SH3GL1: variants seen among roughly 807,000 people sequenced by gnomAD.
The protein encoded by SH3GL1 is endophilin-A2.
A neutral mutation model predicts 48.8 loss-of-function variants in SH3GL1; 21 were observed. The ratio of observed to expected loss-of-function variants is 0.43; its 90% confidence interval spans 0.30 to 0.62. The LOEUF is 0.62. SH3GL1 is among the 20% of genes least tolerant of loss of function. The pLI, the probability that SH3GL1 is intolerant of heterozygous loss-of-function variation, is 0.11. For missense variants in SH3GL1, 454 were observed against 503.0 expected, an observed-to-expected ratio of 0.90 and a Z score of 0.93; for synonymous variants, 282 against 217.5, an observed-to-expected ratio of 1.30 and a Z score of -2.61.
chr19:4,375,328 G>A (rs184172310), intron 1 of SH3GL1, among the ~76,000 whole-genome samples: 119 of 152,366 alleles, frequency 7.8e-4, no homozygotes, highest in African/African-American at 2.7e-3. Context: ...CCCAAGGCCA[G>A]ACAGCAGGAG....
chr19:4,366,442 C>T (rs1365569295), intron 3 of SH3GL1, 59 bp downstream of exon 3: 38 of 1,372,988 alleles, frequency 2.8e-5, no homozygotes, highest in Admixed American at 3.7e-5. Flanking sequence ...CCCTGCCTTC[C>T]CTCTGACACA....
chr19:4,393,368 C>T (rs1051003532), intron 1 of SH3GL1, among the ~76,000 whole-genome samples: 1 of 152,120 alleles, frequency 6.6e-6, no homozygotes, highest in Non-Finnish European at 1.5e-5. Context: ...GCCTGTAATC[C>T]CAGCACTTTG....
At chr19:4,363,283 A>G in intron 7 of SH3GL1, 87 bp downstream of exon 7, 2 of 1,009,888 alleles carry the variant, frequency 2.0e-6, no homozygotes, top group South Asian at 2.8e-5. Flanking sequence ...CCATGTGCTC[A>G]CCCCACAGCG....
rs1380704440 is a variant in SH3GL1 at position 4,367,795 on chromosome 19, C to T, written c.46-801G>A. Among the ~76,000 whole-genome samples, 7 of 152,252 alleles carry T rather than the reference C, an allele frequency of 4.6e-5. No individual in the cohort carries two copies. Among genetic ancestry groups the T allele is most frequent in the Admixed American group, 4.6e-4 (7 of 15,292 alleles). On this transcript the variant is annotated intron_variant, in intron 1 of 9. Coordinates refer to ENST00000269886, the MANE Select transcript of SH3GL1 (RefSeq NM_003025.4). This position sits in a 1 kb window ranked among gnomAD's most constrained non-coding sequence, Gnocchi z 4.2. ...AATGTCCCATGGAACATGGCGGGAA[C>T]CACTGAACCCCAGCACCGCTGTCTG...
chr19:4,363,352 C>G lies in SH3GL1; in HGVS notation c.728+18G>C, dbSNP rs1395474964. The G allele has an allele frequency of 6.4e-7, 1 of 1,574,766 alleles. No individual in the cohort carries two copies. The highest frequency in any genetic ancestry group is 1.4e-5 in the African/African-American group (1 of 73,922). Reference sequence around the variant, plus strand: ...CATGGCAGCCCAGACTCTGGAGAGACCAAGGCCCTGGGCTCACCTGCGCTT... The same window carrying G: ...CATGGCAGCCCAGACTCTGGAGAGAGCAAGGCCCTGGGCTCACCTGCGCTT... On this transcript the variant is annotated intron_variant, in intron 7 of 9. Transcript: ENST00000269886.
chr19:4,387,962 C>A (rs569688107), intron 1 of SH3GL1, among the ~76,000 whole-genome samples: 2 of 152,042 alleles, frequency 1.3e-5, no homozygotes, highest in African/African-American at 4.8e-5. Context: ...TGAGTTCAAG[C>A]GATTCTCCCG....
intron 1 of SH3GL1, chr19:4,396,140 T>G (rs1973421188): frequency 6.6e-6 from 1 of 152,080 alleles, no homozygotes; most frequent in South Asian, 2.1e-4. Flanking sequence ...CTCATGCCTG[T>G]AATCTCAGCA....
chr19:4,386,284 C>T (rs964742889), intron 1 of SH3GL1, among the ~76,000 whole-genome samples: 9 of 152,134 alleles, frequency 5.9e-5, no homozygotes, highest in African/African-American at 2.2e-4. Context: ...CGAGGGCGGG[C>T]AGAAAGTTCC....
At position 4,363,760 on chromosome 19, in the gene SH3GL1, T is replaced by A. The variant is rs755398525; in HGVS notation, c.584A>T (p.Glu195Val). The change falls in exon 6 of 10, where the codon GAG (glutamate) becomes GTG (valine). Residue 195 changes from glutamate to valine, a missense_variant. This residue lies in a region of SH3GL1 where 278 missense variants were observed against 246.8 expected (regional missense o/e 1.13). Coordinates refer to ENST00000269886, the MANE Select transcript of SH3GL1 (RefSeq NM_003025.4). ...QALEKFEESKEVAETSMHNLL... is the reference protein window; with the variant it reads ...QALEKFEESKVVAETSMHNLL... Reference sequence around the variant, plus strand: ...GTTGTGCATGCTGGTTTCTGCCACCTCCTTGGACTCCTCGAACTTCTCCAG... The same window carrying A: ...GTTGTGCATGCTGGTTTCTGCCACCACCTTGGACTCCTCGAACTTCTCCAG... 2 of 1,613,792 alleles carry A rather than the reference T, an allele frequency of 1.2e-6. No homozygotes were observed. Among genetic ancestry groups the A allele is most frequent in the East Asian group, 2.2e-5 (1 of 44,882 alleles).
intron 1 of SH3GL1, among the ~76,000 whole-genome samples, chr19:4,370,099 C>G (rs1195284008): frequency 6.6e-6 from 1 of 152,240 alleles, no homozygotes; most frequent in African/African-American, 2.4e-5. Flanking sequence ...CACGGGGAGG[C>G]TCACCAGAGG....
chr19:4,362,154 G>A (rs1455119016), intron 9 of SH3GL1, among the ~76,000 whole-genome samples, 175 bp downstream of exon 9: 1 of 152,202 alleles, frequency 6.6e-6, no homozygotes, highest in Non-Finnish European at 1.5e-5. Context: ...ACACTGTGAG[G>A]CTGAGACCCA....
At chr19:4,372,184 G>A (rs1446400575) in intron 1 of SH3GL1, among the ~76,000 whole-genome samples, 2 of 152,194 alleles carry the variant, frequency 1.3e-5, no homozygotes, top group African/African-American at 4.8e-5. Context: ...GACCATAGGA[G>A]GGGGTCCAGG....
chr19:4,388,074 T>C (rs1973269320), intron 1 of SH3GL1, among the ~76,000 whole-genome samples: 1 of 151,930 alleles, frequency 6.6e-6, no homozygotes, highest in Admixed American at 6.6e-5. Context: ...TTGGCCAGTC[T>C]AGTCTCAAAC....
In SH3GL1 at chr19:4,362,730, C is replaced by A; in HGVS notation, c.735G>T (p.Arg245=). 6.2e-7 allele frequency: 1 copy of A among 1,613,950 alleles called. No individual in the cohort carries two copies. Among genetic ancestry groups the A allele is most frequent in the South Asian group, 1.1e-5 (1 of 91,090 alleles). ...CCCGCTTAGGGCGTGAGGAAGCTTC[C>A]CGCATCCTGTGAAGGGAGAGGCGTG... ...ELAEKLKRRM[R]EASSRPKREY... is the part of the protein sequence containing the mutation. Residue 245 remains arginine, a synonymous_variant, in exon 8 of 10, where the codon CGG becomes CGT. Transcript: ENST00000269886.
Position 4,364,220 on chromosome 19 carries a change from A to C in SH3GL1, c.333T>G (p.Gly111=), listed in dbSNP as rs531574153. 19 of 1,613,776 alleles carry C rather than the reference A, an allele frequency of 1.2e-5. No individual in the cohort carries two copies. The highest frequency in any genetic ancestry group is 8.0e-5 in the African/African-American group (6 of 75,022). Residue 111 remains glycine, a splice_region_variant and synonymous_variant, in exon 5 of 10, where the codon GGT becomes GGG. Coordinates refer to ENST00000269886, the MANE Select transcript of SH3GL1 (RefSeq NM_003025.4). ...ACTCGCCGGCATCCAGCAATGCGTC[A>C]CCTGTGGAGAAGTGGTGGGGGAAGC... ...GKELGGESNF[G]DALLDAGESM... is the part of the protein sequence containing the mutation.
chr19:4,389,930 C>T lies in SH3GL1; in HGVS notation c.45+10394G>A, dbSNP rs1231824434. On this transcript the variant is annotated intron_variant, in intron 1 of 9. Coordinates refer to ENST00000269886, the MANE Select transcript of SH3GL1 (RefSeq NM_003025.4). The surrounding 1 kb of genome is among the most constrained non-coding windows in gnomAD (Gnocchi z 4.5). Reference sequence around the variant, plus strand: ...TCCCGGCCCAGGGAGGGGAGTGGGCCCACTCACCCCATGCCCTCGCAGGCC... The same window carrying T: ...TCCCGGCCCAGGGAGGGGAGTGGGCTCACTCACCCCATGCCCTCGCAGGCC... The T allele has an allele frequency of 1.3e-5, 2 of 152,318 alleles. No homozygotes were observed. Among genetic ancestry groups the T allele is most frequent in the Non-Finnish European group, 2.9e-5 (2 of 68,130 alleles). 9.4% of individuals were successfully genotyped at this position (152,318 alleles called of 1,614,324 possible).
chr19:4,397,048 G>A (rs766261945), intron 1 of SH3GL1, among the ~76,000 whole-genome samples: 4 of 152,154 alleles, frequency 2.6e-5, no homozygotes, highest in Non-Finnish European at 4.4e-5. Flanking sequence ...GAGAGATCCC[G>A]AGAGATGTCA....
intron 1 of SH3GL1, among the ~76,000 whole-genome samples, chr19:4,372,375 G>A (rs1015865069): frequency 6.6e-6 from 1 of 152,202 alleles, no homozygotes; most frequent in Non-Finnish European, 1.5e-5. Context: ...CACAGTGGGC[G>A]CAGTTCTAAC....
intron 4 of SH3GL1, 140 bp downstream of exon 4, chr19:4,365,342 T>G (rs898996156): frequency 8.5e-7 from 1 of 1,170,626 alleles, no homozygotes; most frequent in Non-Finnish European, 1.3e-6. Flanking sequence ...TGCAGTCTCC[T>G]GCACCTCTGC....
Sources: allele counts gnomAD v4.1 joint callset (sites outside exome capture counted in the v4.1 genomes callset), GRCh38; gene constraint gnomAD v4.1.1; regional missense constraint gnomAD v4.1.1; non-coding constraint Gnocchi (gnomAD v3.1); transcripts MANE v1.5; gene names NCBI Gene and HGNC (gene_info 2026-07-23, HGNC 2026-07-21).